Variants in RANBP17 observed in about 807,000 individuals in gnomAD.
RANBP17 encodes the protein RAN binding protein 17.
Under a neutral mutation model 141.2 loss-of-function variants are expected in RANBP17, and 158 were observed. The observed-to-expected ratio is 1.12, with a 90% confidence interval of 0.98 to 1.28. The LOEUF (loss-of-function observed/expected upper bound fraction) is 1.28, where lower values mean the gene tolerates loss of function less well. Ranked by LOEUF, RANBP17 falls within the 50% of genes most tolerant of loss-of-function variation. The pLI is 0.00. For synonymous variants in RANBP17, 430 were observed against 450.0 expected (o/e 0.96, Z 0.56); for missense variants, 1,438 against 1,290.7 (o/e 1.11, Z -1.75).
intron 12 of RANBP17, among the ~76,000 whole-genome samples, chr5:170,946,555 A>G (rs1774778286): frequency 6.6e-6 from 1 of 152,178 alleles, no homozygotes; most frequent in African/African-American, 2.4e-5. Flanking sequence ...GTGAACAATA[A>G]ATTAGCAAAT....
intron 14 of RANBP17, among the ~76,000 whole-genome samples, chr5:171,058,740 G>T (rs960503521): frequency 6.6e-6 from 1 of 150,920 alleles, no homozygotes. Context: ...TCGCCACACT[G>T]ACTTGCACAA....
intron 12 of RANBP17, among the ~76,000 whole-genome samples, chr5:170,952,505 G>A (rs77009242): frequency 0.024 from 3,637 of 152,086 alleles, 131 homozygotes; most frequent in African/African-American, 0.083. Flanking sequence ...TAAAAGAGTT[G>A]TTGATTAATT....
intron 1 of RANBP17, among the ~76,000 whole-genome samples, chr5:170,877,365 A>G (rs1561847235): frequency 1.3e-5 from 2 of 152,110 alleles, no homozygotes; most frequent in African/African-American, 4.8e-5. Context: ...TCCAGGGCTC[A>G]AGCGATTCTC....
At chr5:170,912,300 T>C (rs1771593121) in intron 7 of RANBP17, among the ~76,000 whole-genome samples, 1 of 151,962 alleles carries the variant, frequency 6.6e-6, no homozygotes, top group Non-Finnish European at 1.5e-5. Context: ...TTGTGGATTT[T>C]ATCAATGTGA....
chr5:171,173,673 T>C (rs972843974), intron 16 of RANBP17, among the ~76,000 whole-genome samples: 1 of 152,144 alleles, frequency 6.6e-6, no homozygotes, highest in African/African-American at 2.4e-5. Context: ...TTTGGTTGCC[T>C]TAAAGCAGTA....
intron 16 of RANBP17, among the ~76,000 whole-genome samples, chr5:171,172,715 C>T (rs1017863245): frequency 5.3e-5 from 8 of 151,572 alleles, no homozygotes; most frequent in Non-Finnish European, 8.9e-5. Context: ...TAGATTTACC[C>T]TATTTTTTTA....
intron 14 of RANBP17, among the ~76,000 whole-genome samples, chr5:171,166,321 A>G (rs941423669): frequency 1.3e-5 from 2 of 152,148 alleles, no homozygotes; most frequent in African/African-American, 2.4e-5. Flanking sequence ...CCACACAGAT[A>G]GGTTTAGTCT....
At chr5:171,285,440 C>T (rs563318685) in intron 25 of RANBP17, among the ~76,000 whole-genome samples, 19 of 152,150 alleles carry the variant, frequency 1.2e-4, no homozygotes, top group Non-Finnish European at 2.6e-4. Flanking sequence ...AAAGTTGTTC[C>T]TCAAAAATAC....
chr5:171,078,357 T>C (rs1405680481), intron 14 of RANBP17, among the ~76,000 whole-genome samples: 1 of 152,118 alleles, frequency 6.6e-6, no homozygotes, highest in Non-Finnish European at 1.5e-5. Context: ...AGTTTCACCA[T>C]GTTGGCAAGG....
At chr5:171,123,482 C>T (rs1756196644) in intron 14 of RANBP17, among the ~76,000 whole-genome samples, 2 of 152,202 alleles carry the variant, frequency 1.3e-5, no homozygotes, top group Admixed American at 1.3e-4. Context: ...CTGCTACTGC[C>T]ACTGCTCATG....
chr5:171,021,366 T>G (rs1307693830), intron 14 of RANBP17, among the ~76,000 whole-genome samples: 6 of 152,234 alleles, frequency 3.9e-5, no homozygotes, highest in Non-Finnish European at 5.9e-5. Context: ...TGAAGTGTGT[T>G]TTCCAACTTG....
intron 14 of RANBP17, among the ~76,000 whole-genome samples, chr5:171,096,337 C>T (rs1786689045): frequency 6.6e-6 from 1 of 152,150 alleles, no homozygotes; most frequent in Non-Finnish European, 1.5e-5. Context: ...TACTTATTAA[C>T]TTATTGTTGT....
intron 1 of RANBP17, among the ~76,000 whole-genome samples, chr5:170,864,751 G>C (rs1400194151): frequency 6.6e-6 from 1 of 151,682 alleles, no homozygotes; most frequent in Non-Finnish European, 1.5e-5. Context: ...AGGAAATATA[G>C]CCATGCTTCT....
chr5:171,031,467 G>A (rs562297063), intron 14 of RANBP17, among the ~76,000 whole-genome samples: 4 of 152,108 alleles, frequency 2.6e-5, no homozygotes, highest in African/African-American at 9.6e-5. Flanking sequence ...AATATGTTGT[G>A]TTTGGAATAT....
chr5:171,110,050 GTAT>G (rs1755113835), intron 14 of RANBP17, among the ~76,000 whole-genome samples: 1 of 151,928 alleles, frequency 6.6e-6, no homozygotes, highest in South Asian at 2.1e-4. Flanking sequence ...AGAAGTGGTA[GTAT>G]TATGTCTTTT....
At position 171,103,309 on chromosome 5, in the gene RANBP17, G is replaced by T. The variant is rs1787306925; in HGVS notation, c.1711-66821G>T. Among the ~76,000 whole-genome samples, 4 of 152,206 alleles carry T rather than the reference G, an allele frequency of 2.6e-5. No individual in the cohort carries two copies. In the South Asian group the frequency reaches 8.3e-4, roughly 31 times the overall value. On this transcript the variant is annotated intron_variant, in intron 14 of 27. Coordinates refer to ENST00000523189, the MANE Select transcript of RANBP17 (RefSeq NM_022897.5). ...TAGAGATGCCCTGCCCAGAGAGGAG[G>T]AATCTGGAGAGGCAGTCTGGCTACA... is the stretch of plus-strand genomic sequence containing the variant.
chr5:171,234,631 A>C (rs1286196932), intron 22 of RANBP17, among the ~76,000 whole-genome samples: 1 of 152,186 alleles, frequency 6.6e-6, no homozygotes, highest in Non-Finnish European at 1.5e-5. Context: ...AGACAAATCA[A>C]ATTTCTTGAT....
In RANBP17 at chr5:170,928,699, G is replaced by T. The variant is rs529680939; in HGVS notation, c.1468+4149G>T. 2.6e-5 allele frequency among the ~76,000 whole-genome samples: 4 copies of T among 151,782 alleles called. No individual in the cohort carries two copies. The East Asian group carries it at 7.7e-4, about 29-fold the overall frequency. On this transcript the variant is annotated intron_variant, in intron 12 of 27. Coordinates refer to ENST00000523189, the MANE Select transcript of RANBP17 (RefSeq NM_022897.5). Reference sequence around the variant, plus strand: ...CTGATCTATATATGTTTATCCTTATGCTAATACTATATTGTCTTGATTACT... The same window carrying T: ...CTGATCTATATATGTTTATCCTTATTCTAATACTATATTGTCTTGATTACT...
chr5:170,881,897 G>C lies in RANBP17; in HGVS notation c.256+1G>C. ...CCTGTTGAGCAGAGGATGGACATCA[G>C]TAAGTGGCTTATTATGCTTTTTAAC... On this transcript the variant is annotated splice_donor_variant, in intron 3 of 27. Coordinates refer to ENST00000523189, the MANE Select transcript of RANBP17 (RefSeq NM_022897.5). LOFTEE classifies it high-confidence loss of function. The C allele has an allele frequency of 6.3e-7, 1 of 1,585,118 alleles. No individual in the cohort carries two copies. Among genetic ancestry groups the C allele is most frequent in the Non-Finnish European group, 8.6e-7 (1 of 1,166,244 alleles).
Sources: allele counts gnomAD v4.1 joint callset (sites outside exome capture counted in the v4.1 genomes callset), GRCh38; gene constraint gnomAD v4.1.1; transcripts MANE v1.5; gene names NCBI Gene and HGNC (gene_info 2026-07-23, HGNC 2026-07-21).